JAK2: variants seen among roughly 807,000 people sequenced by gnomAD.
JAK2 encodes the protein Janus kinase 2, also known as tyrosine-protein kinase JAK2.
Under a neutral mutation model 139.3 loss-of-function variants are expected in JAK2, and 86 were observed. That is an observed-to-expected ratio of 0.62 (90% CI 0.52 to 0.74). JAK2 has a LOEUF of 0.74. Among genes scored for constraint, JAK2 ranks in the 30% least tolerant of loss-of-function variants. The pLI is 0.00. For synonymous variants in JAK2, 490 were observed against 437.7 expected (o/e 1.12, Z -1.49); for missense variants, 1,421 against 1,360.3 (o/e 1.04, Z -0.70).
chr9:5,034,485 G>C (rs1354908363), intron 4 of JAK2, among the ~76,000 whole-genome samples: 2 of 151,948 alleles, frequency 1.3e-5, no homozygotes, highest in Admixed American at 6.6e-5. Context: ...CACATAGTTG[G>C]AAGTAAAGCA....
chr9:5,030,224 T>A (rs1486431748), intron 4 of JAK2, among the ~76,000 whole-genome samples: 1 of 152,200 alleles, frequency 6.6e-6, no homozygotes, highest in Non-Finnish European at 1.5e-5. Context: ...TATTGCTGGT[T>A]TGTGCAGCGT....
At chr9:5,075,827 C>T (rs933701335) in intron 14 of JAK2, among the ~76,000 whole-genome samples, 3 of 152,082 alleles carry the variant, frequency 2.0e-5, no homozygotes, top group Non-Finnish European at 4.4e-5. Context: ...GATAGTGATT[C>T]CTCTGGTGGA....
Position 5,127,160 on chromosome 9 carries a change from A to C in JAK2, c.*369A>C. ...AAAGATGCACAGAATATGTATGTAT[A>C]GTTTTTACCACAGTGGATGTATAAT... On this transcript the variant is annotated 3_prime_UTR_variant, in exon 25 of 25. Coordinates refer to ENST00000381652, the MANE Select transcript of JAK2 (RefSeq NM_004972.4). The C allele has an allele frequency of 4.1e-6, 1 of 244,500 alleles. No individual in the cohort carries two copies. The highest frequency in any genetic ancestry group is 8.0e-6 in the Non-Finnish European group (1 of 125,242). The allele number at this position is 244,500 out of a possible 1,614,324, so 15.1% of individuals were successfully genotyped here.
intron 16 of JAK2, among the ~76,000 whole-genome samples, chr9:5,079,224 C>A (rs79136062): frequency 6.6e-6 from 1 of 152,136 alleles, no homozygotes; most frequent in South Asian, 2.1e-4. Context: ...CCTTTGGAAT[C>A]GGAAGTGAAG....
At chr9:5,020,803 G>C (rs1043756630) in intron 2 of JAK2, among the ~76,000 whole-genome samples, 4 of 152,152 alleles carry the variant, frequency 2.6e-5, no homozygotes, top group African/African-American at 9.7e-5. Context: ...AGCAATGGAG[G>C]TGACTGTCGG....
In JAK2 at chr9:5,100,415, T is replaced by C. The variant is rs534933714; in HGVS notation, c.3059+9504T>C. The C allele has an allele frequency of 2.6e-5, 4 of 152,348 alleles. No individual in the cohort carries two copies. The East Asian group carries it at 7.7e-4, about 29-fold the overall frequency. 9.4% of individuals were successfully genotyped at this position (152,348 alleles called of 1,614,324 possible). On this transcript the variant is annotated intron_variant, in intron 22 of 24. Transcript: ENST00000381652. Reference sequence around the variant, plus strand: ...TAACTGTATACCAATGATGATGTGATATTATCTGAGAAAGTAAATTTCAAG... The same window carrying C: ...TAACTGTATACCAATGATGATGTGACATTATCTGAGAAAGTAAATTTCAAG...
intron 23 of JAK2, among the ~76,000 whole-genome samples, chr9:5,125,214 A>T (rs192982881): frequency 2.6e-5 from 4 of 151,292 alleles, no homozygotes; most frequent in South Asian, 4.2e-4. Context: ...ATATACAAAG[A>T]AGTATATAAA....
At chr9:5,102,282 AG>A (rs1339812370) in intron 22 of JAK2, among the ~76,000 whole-genome samples, 7 of 152,210 alleles carry the variant, frequency 4.6e-5, no homozygotes, top group Non-Finnish European at 1.0e-4. Flanking sequence ...AGTGGAAGAA[AG>A]GGTATCAGTG....
At chr9:5,060,796 T>G (rs188185163) in intron 8 of JAK2, among the ~76,000 whole-genome samples, 1 of 152,318 alleles carries the variant, frequency 6.6e-6, no homozygotes, top group Admixed American at 6.5e-5. Context: ...GTGAATCCTT[T>G]CCATAAGTTT....
intron 9 of JAK2, among the ~76,000 whole-genome samples, chr9:5,065,631 A>G (rs952020410): frequency 6.6e-6 from 1 of 152,240 alleles, no homozygotes; most frequent in Non-Finnish European, 1.5e-5. Flanking sequence ...AAATAGCTAC[A>G]TGTGGCTAGT....
chr9:5,065,620 T>C (rs928223389), intron 9 of JAK2, among the ~76,000 whole-genome samples: 2 of 152,224 alleles, frequency 1.3e-5, no homozygotes, highest in Non-Finnish European at 2.9e-5. Flanking sequence ...TCTTTACATT[T>C]AAATAGCTAC....
chr9:5,042,807 G>A (rs1284899699), intron 4 of JAK2, among the ~76,000 whole-genome samples: 1 of 152,204 alleles, frequency 6.6e-6, no homozygotes, highest in Admixed American at 6.5e-5. Flanking sequence ...ACGGAGGGGT[G>A]GGGCCGCGGC....
intron 22 of JAK2, chr9:5,098,292 T>G (rs984731517): frequency 6.6e-6 from 1 of 152,224 alleles, no homozygotes; most frequent in Non-Finnish European, 1.5e-5. Context: ...GCAAATTCAT[T>G]ACGTAACTTT....
intron 22 of JAK2, chr9:5,091,570 A>G (rs1820576651): frequency 6.6e-6 from 1 of 151,966 alleles, no homozygotes; most frequent in Admixed American, 6.6e-5. Flanking sequence ...CATTGTTAGT[A>G]TTTTTGTCGC....
chr9:5,032,307 A>G (rs900013526), intron 4 of JAK2, among the ~76,000 whole-genome samples: 22 of 152,126 alleles, frequency 1.4e-4, no homozygotes, highest in African/African-American at 4.8e-4. Flanking sequence ...GCCTCTGTAG[A>G]CTCCACCTCT....
chr9:5,085,641 C>A, intron 19 of JAK2: 1 of 720,800 alleles, frequency 1.4e-6, no homozygotes. Flanking sequence ...TCTTTTCACC[C>A]CAGATCTTGT....
In JAK2 at chr9:5,085,195, A is replaced by G. The variant is rs961661101; in HGVS notation, c.2571+3334A>G. On this transcript the variant is annotated intron_variant, in intron 19 of 24. Transcript: ENST00000381652. ...CGGCAAACTGAACCATCTCATGATC[A>G]TAGCATTCATTTCTGGGAACTGCTG... 63 of 660,092 alleles carry G rather than the reference A, an allele frequency of 9.5e-5. No homozygotes were observed. The African/African-American group carries it at 1.1e-3, about 11-fold the overall frequency. 40.9% of individuals were successfully genotyped at this position (660,092 alleles called of 1,614,324 possible).
intron 5 of JAK2, among the ~76,000 whole-genome samples, chr9:5,048,736 A>G (rs777392614): frequency 4.6e-5 from 7 of 152,176 alleles, no homozygotes; most frequent in Admixed American, 2.0e-4. Context: ...TATACTTTTA[A>G]ATATGTTTCT....
intron 19 of JAK2, among the ~76,000 whole-genome samples, chr9:5,088,062 T>G (rs1820272459): frequency 6.6e-6 from 1 of 152,354 alleles, no homozygotes; most frequent in East Asian, 1.9e-4. Flanking sequence ...CTAAAATGTG[T>G]TTTGGAATAA....
Sources: allele counts gnomAD v4.1 joint callset (sites outside exome capture counted in the v4.1 genomes callset), GRCh38; gene constraint gnomAD v4.1.1; transcripts MANE v1.5; gene names NCBI Gene and HGNC (gene_info 2026-07-23, HGNC 2026-07-21).